The following PPP3CC variants were observed in gnomAD, a reference collection of about 807,000 sequenced individuals.
PPP3CC encodes the protein protein phosphatase 3 catalytic subunit gamma.
PPP3CC carries 35 observed loss-of-function variants against 60.3 expected under a neutral mutation model. That is an observed-to-expected ratio of 0.58 (90% CI 0.44 to 0.77). PPP3CC has a LOEUF of 0.77. PPP3CC is among the 30% of genes least tolerant of loss of function. The probability of loss-of-function intolerance (pLI) is 0.00; values close to 1 mark genes in which losing one functional copy is unlikely to be tolerated. For missense variants in PPP3CC, 570 were observed against 628.9 expected, an observed-to-expected ratio of 0.91 and a Z score of 1.00; for synonymous variants, 206 against 224.3, an observed-to-expected ratio of 0.92 and a Z score of 0.73.
chr8:22,456,885 T>C (rs533247096), intron 1 of PPP3CC, among the ~76,000 whole-genome samples: 1 of 152,254 alleles, frequency 6.6e-6, no homozygotes, highest in African/African-American at 2.4e-5. Context: ...ATACAGGTAA[T>C]CTGAAAGCAG....
At chr8:22,521,150 A>C (rs1459309772) in intron 6 of PPP3CC, among the ~76,000 whole-genome samples, 2 of 152,196 alleles carry the variant, frequency 1.3e-5, no homozygotes, top group African/African-American at 4.8e-5. Flanking sequence ...GCTGGGTCCC[A>C]GGCTGGTTTG....
intron 6 of PPP3CC, among the ~76,000 whole-genome samples, chr8:22,519,103 G>A (rs1164317348): frequency 6.6e-6 from 1 of 152,138 alleles, no homozygotes; most frequent in Non-Finnish European, 1.5e-5. Context: ...TCTTTCTGTT[G>A]TATTGACCCT....
intron 5 of PPP3CC, among the ~76,000 whole-genome samples, chr8:22,512,185 TTC>T (rs1839106938): frequency 6.6e-6 from 1 of 152,120 alleles, no homozygotes; most frequent in Non-Finnish European, 1.5e-5. Flanking sequence ...CTAAAAATTT[TTC>T]TGTTTATAAA....
intron 4 of PPP3CC, among the ~76,000 whole-genome samples, chr8:22,509,520 A>T (rs1476294740): frequency 6.6e-6 from 1 of 152,198 alleles, no homozygotes; most frequent in Non-Finnish European, 1.5e-5. Context: ...ACCAAGGCCA[A>T]GGAAGAAGAA....
chr8:22,505,612 C>A (rs1239790128), intron 4 of PPP3CC, among the ~76,000 whole-genome samples: 2 of 152,044 alleles, frequency 1.3e-5, no homozygotes, highest in East Asian at 3.9e-4. Flanking sequence ...GGTTTTTCAG[C>A]TGGGCCTGAG....
intron 1 of PPP3CC, among the ~76,000 whole-genome samples, chr8:22,442,872 T>G (rs1214510238): frequency 6.6e-6 from 1 of 152,230 alleles, no homozygotes; most frequent in Admixed American, 6.5e-5. Context: ...AGTTTCGTCC[T>G]GTACTAAAAT....
intron 1 of PPP3CC, among the ~76,000 whole-genome samples, chr8:22,452,174 C>A (rs1425313487): frequency 6.6e-6 from 1 of 152,018 alleles, no homozygotes; most frequent in Non-Finnish European, 1.5e-5. Context: ...GGACTACAGG[C>A]GTGTGCTGCC....
intron 4 of PPP3CC, among the ~76,000 whole-genome samples, chr8:22,510,700 G>T (rs1021573637): frequency 2.0e-5 from 3 of 152,162 alleles, no homozygotes; most frequent in Non-Finnish European, 4.4e-5. Flanking sequence ...AGCCATCCTG[G>T]TATAGAAGCC....
rs184616581 is a variant in PPP3CC at position 22,479,360 on chromosome 8, G to C, written c.372+3736G>C. Reference sequence around the variant, plus strand: ...CAGCCTTTTTTCTTCTTTTACATTTGTATATATTTTGTTTTCAAGAAAATT... The same window carrying C: ...CAGCCTTTTTTCTTCTTTTACATTTCTATATATTTTGTTTTCAAGAAAATT... On this transcript the variant is annotated intron_variant, in intron 3 of 13. Transcript: ENST00000240139. Among the ~76,000 whole-genome samples the C allele has an allele frequency of 1.6e-4, 25 of 151,876 alleles. 1 individual carries two copies. The East Asian group carries it at 4.3e-3, about 26-fold the overall frequency.
At chr8:22,448,266 CAA>C (rs1836893576) in intron 1 of PPP3CC, among the ~76,000 whole-genome samples, 2 of 151,638 alleles carry the variant, frequency 1.3e-5, no homozygotes, top group Non-Finnish European at 2.9e-5. Context: ...AAATGACAGT[CAA>C]GTACAGTGTC....
chr8:22,528,413 T>TACTTAA, intron 9 of PPP3CC, 93 bp from the exon 10 acceptor site: 1 of 746,922 alleles, frequency 1.3e-6, no homozygotes, highest in Middle Eastern at 2.7e-4. Flanking sequence ...TGCTTATGCT[T>TACTTAA]ACTTAACATG....
At chr8:22,528,124 A>G (rs1839609145) in intron 9 of PPP3CC, among the ~76,000 whole-genome samples, 1 of 152,194 alleles carries the variant, frequency 6.6e-6, no homozygotes, top group South Asian at 2.1e-4. Flanking sequence ...TGTCCTTACA[A>G]TTTTATTTGT....
intron 1 of PPP3CC, among the ~76,000 whole-genome samples, chr8:22,455,870 G>A (rs1474101416): frequency 1.3e-5 from 2 of 152,290 alleles, no homozygotes; most frequent in East Asian, 3.9e-4. Flanking sequence ...TTGAAAGTGA[G>A]TTCTGTGACT....
intron 10 of PPP3CC, 61 bp downstream of exon 10, chr8:22,528,638 T>A: frequency 8.4e-7 from 1 of 1,195,448 alleles, no homozygotes; most frequent in Non-Finnish European, 1.2e-6. Context: ...TTTAGTTGTT[T>A]TAGTTTATTT....
chr8:22,527,401 T>TG lies in PPP3CC; in HGVS notation c.954dup (p.Lys319GlufsTer3). 1 of 1,613,898 alleles carries TG rather than the reference T, an allele frequency of 6.2e-7. No individual in the cohort carries two copies. The highest frequency in any genetic ancestry group is 8.5e-7 in the Non-Finnish European group (1 of 1,179,854). Reference sequence around the variant, plus strand: ...CTTTTTTCCTTTTTAGCTGCTGTGTTGAAATATGAAAACAATGTCATGAAT... The same window carrying TG: ...CTTTTTTCCTTTTTAGCTGCTGTGTTGGAAATATGAAAACAATGTCATGAAT... On this transcript the variant is annotated frameshift_variant, in exon 9 of 14. Coordinates refer to ENST00000240139, the MANE Select transcript of PPP3CC (RefSeq NM_005605.5). LOFTEE classifies it high-confidence loss of function.
intron 1 of PPP3CC, among the ~76,000 whole-genome samples, chr8:22,474,592 T>C (rs1837830515): frequency 6.6e-6 from 1 of 152,084 alleles, no homozygotes. Flanking sequence ...TAATCCCAGC[T>C]ACTCAGAAGG....
In PPP3CC at chr8:22,538,646, C is replaced by A. The variant is rs550477518; in HGVS notation, c.1322-823C>A. Among the ~76,000 whole-genome samples the A allele has an allele frequency of 3.9e-5, 6 of 152,272 alleles. No individual in the cohort carries two copies. The East Asian group carries it at 1.2e-3, about 29-fold the overall frequency. Reference sequence around the variant, plus strand: ...TTTCTTGTGGCACCCTGTACCTTTTCATATATTAGCGTTTTTACTGTCTGA... The same window carrying A: ...TTTCTTGTGGCACCCTGTACCTTTTAATATATTAGCGTTTTTACTGTCTGA... On this transcript the variant is annotated intron_variant, in intron 12 of 13. Transcript: ENST00000240139.
intron 1 of PPP3CC, among the ~76,000 whole-genome samples, chr8:22,458,622 A>AATAAAT (rs1335263498): frequency 6.6e-6 from 1 of 151,362 alleles, no homozygotes. Flanking sequence ...TAAAAATAAA[A>AATAAAT]ATAAATAAAT....
intron 1 of PPP3CC, among the ~76,000 whole-genome samples, chr8:22,444,567 A>G (rs948999978): frequency 6.6e-6 from 1 of 152,250 alleles, no homozygotes; most frequent in African/African-American, 2.4e-5. Context: ...TGAAGAGATC[A>G]GCACAGTTCT....
Sources: gnomAD v4.1 joint callset for allele counts (sites outside exome capture counted in the v4.1 genomes callset) on GRCh38, gnomAD v4.1.1 for gene constraint, MANE v1.5 for transcripts, NCBI Gene and HGNC (gene_info 2026-07-23, HGNC 2026-07-21) for gene names.